Variants in FOXP2 observed in about 807,000 individuals in gnomAD.
The protein encoded by FOXP2 is forkhead box P2.
Under a neutral mutation model 115.8 loss-of-function variants are expected in FOXP2, and 12 were observed. The observed-to-expected ratio is 0.10, with a 90% CI of 0.07 to 0.17. FOXP2 has a LOEUF of 0.17. Ranked by LOEUF, FOXP2 falls within the 10% of genes least tolerant of loss-of-function variation. The pLI is 1.00. For missense variants in FOXP2, 629 were observed against 843.5 expected, an observed-to-expected ratio of 0.75 and a Z score of 3.15; for synonymous variants, 328 against 297.7, an observed-to-expected ratio of 1.10 and a Z score of -1.05.
intron 1 of FOXP2, among the ~76,000 whole-genome samples, chr7:114,186,906 A>C (rs1429657847): frequency 6.6e-6 from 1 of 152,170 alleles, no homozygotes; most frequent in East Asian, 1.9e-4. Flanking sequence ...ATGTGCCAGA[A>C]TTTGGGGAGC....
At chr7:114,627,393 T>C (rs1005571222) in intron 3 of FOXP2, among the ~76,000 whole-genome samples, 4 of 152,094 alleles carry the variant, frequency 2.6e-5, no homozygotes, top group Non-Finnish European at 4.4e-5. Context: ...TCTAGGAAAG[T>C]GATTACTATT....
At chr7:114,307,150 G>A (rs1432290232) in intron 2 of FOXP2, among the ~76,000 whole-genome samples, 2 of 152,114 alleles carry the variant, frequency 1.3e-5, no homozygotes, top group African/African-American at 2.4e-5. Context: ...ATTTTCATGA[G>A]TTGGTGACGT....
intron 16 of FOXP2, among the ~76,000 whole-genome samples, chr7:114,686,163 A>C (rs1808352342): frequency 6.6e-6 from 1 of 151,956 alleles, no homozygotes. Context: ...GCAATACCTG[A>C]AATTATAATA....
At chr7:114,158,183 G>T (rs1018689414), upstream of FOXP2, among the ~76,000 whole-genome samples, 59 of 152,112 alleles carry the variant, frequency 3.9e-4, no homozygotes, top group Middle Eastern at 3.4e-3. Flanking sequence ...ATATAAGTGT[G>T]TTGTATAGCA....
chr7:114,321,344 G>A (rs935319799), intron 2 of FOXP2, among the ~76,000 whole-genome samples: 17 of 151,914 alleles, frequency 1.1e-4, no homozygotes, highest in African/African-American at 3.9e-4. Context: ...GACTACAAGT[G>A]CCCGCCACCA....
upstream of FOXP2, among the ~76,000 whole-genome samples, chr7:114,159,483 C>A (rs1792769422): frequency 1.5e-5 from 2 of 132,202 alleles, no homozygotes; most frequent in African/African-American, 2.8e-5. Flanking sequence ...GTAACAGCAT[C>A]ATGGAAAGTA....
intron 1 of FOXP2, among the ~76,000 whole-genome samples, chr7:114,263,730 C>T (rs1795818814): frequency 6.6e-6 from 1 of 150,916 alleles, no homozygotes; most frequent in South Asian, 2.1e-4. Flanking sequence ...CTTTAAAATG[C>T]TTGTGTTTTC....
At chr7:114,592,958 T>C (rs568799291) in intron 3 of FOXP2, among the ~76,000 whole-genome samples, 35 of 152,134 alleles carry the variant, frequency 2.3e-4, no homozygotes, top group African/African-American at 7.5e-4. Context: ...TTGTTTATAT[T>C]GTCTTTAGTT....
At chr7:114,591,913 A>G (rs1802456133) in intron 3 of FOXP2, among the ~76,000 whole-genome samples, 1 of 152,096 alleles carries the variant, frequency 6.6e-6, no homozygotes, top group East Asian at 1.9e-4. Flanking sequence ...GCTATTGGGC[A>G]CTTAAATATG....
chr7:114,575,347 T>C (rs1244540742), intron 3 of FOXP2, among the ~76,000 whole-genome samples: 1 of 151,892 alleles, frequency 6.6e-6, no homozygotes, highest in Non-Finnish European at 1.5e-5. Flanking sequence ...ATCAATATAC[T>C]CTTGCTTGGA....
At chr7:114,276,385 G>A (rs569312350) in intron 1 of FOXP2, among the ~76,000 whole-genome samples, 66 of 152,040 alleles carry the variant, frequency 4.3e-4, no homozygotes, top group South Asian at 1.7e-3. Flanking sequence ...GGCTGGTCTC[G>A]AACTCCTGAC....
rs147600922 is a variant in FOXP2, at chr7:114,154,916, A to G, written c.-246-8028A>G. On this transcript the variant is annotated intron_variant, in intron 1 of 19. Coordinates refer to the FOXP2 transcript ENST00000635638. ...GTGGGGGTTGAACCAGAGTCTCACTAAGTCTTCCCAGTTAGAAGATCCTTA... is the reference window on the plus strand; with the variant it reads ...GTGGGGGTTGAACCAGAGTCTCACTGAGTCTTCCCAGTTAGAAGATCCTTA... Among the ~76,000 whole-genome samples the G allele has an allele frequency of 2.0e-5, 3 of 152,144 alleles. No homozygotes were observed. The East Asian group carries it at 5.8e-4, about 30-fold the overall frequency.
At chr7:114,181,994 A>T (rs1208653898) in intron 1 of FOXP2, among the ~76,000 whole-genome samples, 8 of 152,034 alleles carry the variant, frequency 5.3e-5, no homozygotes, top group African/African-American at 1.9e-4. Context: ...CTTTTAATTA[A>T]AAAGGGCAAA....
chr7:114,663,901 C>T (rs1308434700), intron 15 of FOXP2, among the ~76,000 whole-genome samples: 1 of 152,010 alleles, frequency 6.6e-6, no homozygotes, highest in Non-Finnish European at 1.5e-5. Context: ...AATTTTTATG[C>T]AGAGGAGGCA....
At chr7:114,676,644 C>A (rs1041978786) in intron 16 of FOXP2, among the ~76,000 whole-genome samples, 1 of 152,024 alleles carries the variant, frequency 6.6e-6, no homozygotes, top group African/African-American at 2.4e-5. Flanking sequence ...CTAATCATAT[C>A]TATAGGGTTT....
chr7:114,620,374 A>G (rs960491610), intron 3 of FOXP2, among the ~76,000 whole-genome samples: 2 of 152,052 alleles, frequency 1.3e-5, no homozygotes, highest in African/African-American at 4.8e-5. Flanking sequence ...TAACTGCCAG[A>G]TCTGATATCT....
At chr7:114,483,749 A>G (rs919137182) in intron 2 of FOXP2, among the ~76,000 whole-genome samples, 1 of 151,704 alleles carries the variant, frequency 6.6e-6, no homozygotes, top group African/African-American at 2.4e-5. Flanking sequence ...GGTGCTTAAC[A>G]TGTGTTGTAC....
intron 3 of FOXP2, among the ~76,000 whole-genome samples, chr7:114,590,920 G>A (rs1802410127): frequency 6.6e-6 from 1 of 151,908 alleles, no homozygotes; most frequent in African/African-American, 2.4e-5. Context: ...CTTTTTCTGG[G>A]GAAGGCAGAC....
intron 2 of FOXP2, among the ~76,000 whole-genome samples, chr7:114,479,426 G>T (rs1037779624): frequency 4.6e-5 from 7 of 151,186 alleles, no homozygotes; most frequent in African/African-American, 1.7e-4. Flanking sequence ...TTTTAACATG[G>T]TATTTACCTG....
Sources: allele counts gnomAD v4.1 joint callset (sites outside exome capture counted in the v4.1 genomes callset), GRCh38; gene constraint gnomAD v4.1.1; transcripts MANE v1.5; gene names NCBI Gene and HGNC (gene_info 2026-07-23, HGNC 2026-07-21).